The following RO60 variants were observed in gnomAD, a reference collection of about 807,000 sequenced individuals.
The protein encoded by RO60 is Ro60, Y RNA binding protein.
Under a neutral mutation model 55.3 loss-of-function variants are expected in RO60, and 20 were observed. That is an observed-to-expected ratio of 0.36 (90% confidence interval 0.25 to 0.53). The LOEUF is 0.53. Ranked by LOEUF, RO60 falls within the 20% of genes least tolerant of loss-of-function variation. RO60 has a pLI of 0.92. For missense variants in RO60, 558 were observed against 646.6 expected, an observed-to-expected ratio of 0.86 and a Z score of 1.49; for synonymous variants, 213 against 213.6, an observed-to-expected ratio of 1.00 and a Z score of 0.02.
chr1:193,087,639 T>G lies in RO60; in HGVS notation c.*2908T>G, dbSNP rs1180507444. On this transcript the variant is annotated 3_prime_UTR_variant, in exon 9 of 9. Coordinates refer to ENST00000400968, the MANE Select transcript of RO60 (RefSeq NM_001173524.2). ...TTTAACCTAAGTGATTTGATTATTT[T>G]TATCCTTAAAAAGTAACATATCTGT... 1 of 152,192 alleles carries G rather than the reference T, an allele frequency of 6.6e-6. No homozygotes were observed. The highest frequency in any genetic ancestry group is 2.4e-5 in the African/African-American group (1 of 41,456). 9.4% of individuals were successfully genotyped at this position (152,192 alleles called of 1,614,324 possible).
intron 2 of RO60, among the ~76,000 whole-genome samples, chr1:193,071,662 A>G (rs190570179): frequency 3.6e-4 from 54 of 151,616 alleles, no homozygotes; most frequent in Non-Finnish European, 8.8e-5. Flanking sequence ...AATCTCTTTC[A>G]GTAGAATCAT....
In RO60 at chr1:193,069,143, T is replaced by G; in HGVS notation, c.89T>G (p.Met30Arg). ...GGATATGTATGGCAAGTCACTGACA[T>G]GAATCGACTACACCGGTTCTTATGT... is the stretch of plus-strand genomic sequence containing the variant. ...QDGYVWQVTD[M>R]NRLHRFLCFG... Residue 30 changes from methionine (M) to arginine (R), a missense_variant, in exon 2 of 9, where the codon ATG becomes AGG. Physicochemically the swap from Met to Arg is moderately conservative, Grantham distance 91. Coordinates refer to ENST00000400968, the MANE Select transcript of RO60 (RefSeq NM_001173524.2). 1 of 1,614,160 alleles carries G rather than the reference T, an allele frequency of 6.2e-7. No homozygotes were observed. The highest frequency in any genetic ancestry group is 8.5e-7 in the Non-Finnish European group (1 of 1,180,016).
Position 193,059,832 on chromosome 1 carries a change from C to G in RO60, c.-22+56C>G, listed in dbSNP as rs1270259903. On this transcript the variant is annotated intron_variant, in intron 1 of 8. Transcript: ENST00000400968. This position sits in a 1 kb window ranked among gnomAD's most constrained non-coding sequence, Gnocchi z 4.9. ...CCTTTTGTGCGGCCCCAGGGACGCG[C>G]AAATTCTGACCAGTCCTCCATGTCT... The G allele has an allele frequency of 1.5e-6, 2 of 1,359,718 alleles. No individual in the cohort carries two copies. Among genetic ancestry groups the G allele is most frequent in the Non-Finnish European group, 2.0e-6 (2 of 1,018,756 alleles). 84.2% of individuals were successfully genotyped at this position (1,359,718 alleles called of 1,614,324 possible).
Position 193,084,488 on chromosome 1 carries a change from G to A in RO60, c.1465-91G>A, listed in dbSNP as rs750360180. 3.4e-4 allele frequency: 474 copies of A among 1,380,922 alleles called. 2 individuals carry two copies. Among genetic ancestry groups the A allele is most frequent in the Non-Finnish European group, 4.2e-4 (444 of 1,048,548 alleles). 85.5% of individuals were successfully genotyped at this position (1,380,922 alleles called of 1,614,324 possible). A position where few individuals can be genotyped will look rare whatever the true frequency, so the allele number is the denominator to read the frequency against. On this transcript the variant is annotated intron_variant, in intron 8 of 8. Transcript: ENST00000400968. ...ATGACTTTGTATTTAAAAAGCTCTG[G>A]TAGAGAAATGTTAAAGTGTTTTAAT...
chr1:193,085,173 G>A lies in RO60; in HGVS notation c.*442G>A. 1 of 1,228,008 alleles carries A rather than the reference G, an allele frequency of 8.1e-7. No individual in the cohort carries two copies. The highest frequency in any genetic ancestry group is 1.0e-6 in the Non-Finnish European group (1 of 981,010). The allele number at this position is 1,228,008 out of a possible 1,614,324, so 76.1% of individuals were successfully genotyped here. On this transcript the variant is annotated 3_prime_UTR_variant, in exon 9 of 9. Transcript: ENST00000400968. ...GAAATGCACTAGACCATATAACTGT[G>A]ATGAAATATGAAACTCATCTGTAAA... is the stretch of plus-strand genomic sequence containing the variant.
chr1:193,067,999 G>A (rs1169008253), intron 1 of RO60, among the ~76,000 whole-genome samples: 1 of 152,136 alleles, frequency 6.6e-6, no homozygotes, highest in Non-Finnish European at 1.5e-5. Flanking sequence ...GTCTGAAGAT[G>A]GTTGTTACCA....
intron 2 of RO60, 143 bp from the exon 3 acceptor site, chr1:193,075,677 T>G (rs1312822037): frequency 5.6e-6 from 3 of 538,398 alleles, no homozygotes; most frequent in African/African-American, 3.9e-5. Context: ...AATTGTTATA[T>G]CATGGAAAGC....
chr1:193,089,815 T>TG lies in RO60; in HGVS notation c.*5084_*5085insG, dbSNP rs921786807. Reference sequence around the variant, plus strand: ...AATGATATTTAACTTTTCTTTTTTTTTTTTTTTTTGAGACAGAGTCTCACT... The same window carrying TG: ...AATGATATTTAACTTTTCTTTTTTTTGTTTTTTTTTGAGACAGAGTCTCACT... On this transcript the variant is annotated 3_prime_UTR_variant, in exon 9 of 9. Transcript: ENST00000400968. 1 of 151,054 alleles carries TG rather than the reference T, an allele frequency of 6.6e-6. No homozygotes were observed. The highest frequency in any genetic ancestry group is 2.4e-5 in the African/African-American group (1 of 41,226). The allele number at this position is 151,054 out of a possible 1,614,324, so 9.4% of individuals were successfully genotyped here.
chr1:193,066,050 C>G (rs915684065), intron 1 of RO60, among the ~76,000 whole-genome samples: 85 of 152,268 alleles, frequency 5.6e-4, no homozygotes, highest in African/African-American at 2.0e-3. Flanking sequence ...CATCTCCTGT[C>G]AGGGGGGAAT....
rs907400612 is a variant in RO60 at position 193,085,656 on chromosome 1, T to C, written c.*925T>C. The C allele has an allele frequency of 9.2e-6, 9 of 981,786 alleles. No individual in the cohort carries two copies. Among genetic ancestry groups the C allele is most frequent in the Middle Eastern group, 5.2e-4 (1 of 1,924 alleles). 60.8% of individuals were successfully genotyped at this position (981,786 alleles called of 1,614,324 possible). A position where few individuals can be genotyped will look rare whatever the true frequency, so the allele number is the denominator to read the frequency against. On this transcript the variant is annotated 3_prime_UTR_variant, in exon 9 of 9. Transcript: ENST00000400968. Reference sequence around the variant, plus strand: ...CTCAACTATAACCAGTTTAGCTTTTTCCTTACTTTTAAAATAAAATTTTTT... The same window carrying C: ...CTCAACTATAACCAGTTTAGCTTTTCCCTTACTTTTAAAATAAAATTTTTT...
At chr1:193,083,648 T>C (rs1436668413) in intron 8 of RO60, among the ~76,000 whole-genome samples, 3 of 152,240 alleles carry the variant, frequency 2.0e-5, no homozygotes, top group African/African-American at 7.2e-5. Context: ...AGAGACCTGC[T>C]GAATCAGAAA....
At chr1:193,069,768 C>A in intron 2 of RO60, 134 bp downstream of exon 2, 1 of 708,714 alleles carries the variant, frequency 1.4e-6, no homozygotes. Context: ...TACATTAATT[C>A]AAATATATTT....
At chr1:193,065,963 G>A (rs1373281383) in intron 1 of RO60, among the ~76,000 whole-genome samples, 1 of 152,098 alleles carries the variant, frequency 6.6e-6, no homozygotes, top group African/African-American at 2.4e-5. Context: ...ACACCACTAT[G>A]TGTTCCCCTC....
chr1:193,081,358 C>T lies in RO60; in HGVS notation c.1087-6C>T, dbSNP rs753425319. ...GCTTTTAATGATTGTTTTGTTTTCT[C>T]TGTAGACAGTTGAACCAACTGGAAA... On this transcript the variant is annotated splice_region_variant and splice_polypyrimidine_tract_variant and intron_variant, in intron 5 of 8. Transcript: ENST00000400968. The T allele has an allele frequency of 2.0e-6, 3 of 1,528,048 alleles. No individual in the cohort carries two copies. Among genetic ancestry groups the T allele is most frequent in the Non-Finnish European group, 2.7e-6 (3 of 1,107,024 alleles). 94.7% of individuals were successfully genotyped at this position (1,528,048 alleles called of 1,614,324 possible). A position where few individuals can be genotyped will look rare whatever the true frequency, so the allele number is the denominator to read the frequency against.
At chr1:193,068,570 T>C (rs1324834032) in intron 1 of RO60, among the ~76,000 whole-genome samples, 1 of 152,220 alleles carries the variant, frequency 6.6e-6, no homozygotes, top group South Asian at 2.1e-4. Context: ...CCAGCTACTA[T>C]TGCTGCCCTC....
chr1:193,063,437 G>A (rs1183505832), intron 1 of RO60, among the ~76,000 whole-genome samples: 2 of 151,866 alleles, frequency 1.3e-5, no homozygotes, highest in African/African-American at 4.8e-5. Flanking sequence ...AGTTGTAAGT[G>A]TTCTTAATAT....
chr1:193,081,237 T>C (rs1674291097), intron 5 of RO60, 127 bp from the exon 6 acceptor site: 4 of 484,262 alleles, frequency 8.3e-6, no homozygotes, highest in Middle Eastern at 1.1e-3. Context: ...AGTTGTCAAT[T>C]GGTATATCAA....
intron 1 of RO60, among the ~76,000 whole-genome samples, chr1:193,062,558 T>C (rs1005713644): frequency 6.6e-6 from 1 of 152,326 alleles, no homozygotes; most frequent in East Asian, 1.9e-4. Context: ...TTCACTATTT[T>C]GAAGTATCCA....
Position 193,069,367 on chromosome 1 carries a change from A to T in RO60, c.313A>T (p.Ile105Leu). 1.9e-6 allele frequency: 3 copies of T among 1,614,222 alleles called. No homozygotes were observed. Among genetic ancestry groups the T allele is most frequent in the Non-Finnish European group, 2.5e-6 (3 of 1,180,020 alleles). Residue 105 changes from isoleucine to leucine, a missense_variant, in exon 2 of 9, where the codon ATA (isoleucine) becomes TTA (leucine). Transcript: ENST00000400968. Reference sequence around the variant, plus strand: ...TGCCATTTGTTCCCAGTGCTCCGACATAAGCACAAAACAAGCAGCATTTAA... The same window carrying T: ...TGCCATTTGTTCCCAGTGCTCCGACTTAAGCACAAAACAAGCAGCATTTAA... ...ALAICSQCSD[I>L]STKQAAFKAV...
Sources: gnomAD v4.1 joint callset for allele counts (sites outside exome capture counted in the v4.1 genomes callset) on GRCh38, gnomAD v4.1.1 for gene constraint, Gnocchi (gnomAD v3.1) non-coding constraint, MANE v1.5 for transcripts, NCBI Gene and HGNC (gene_info 2026-07-23, HGNC 2026-07-21) for gene names.